Variants in KCNU1 observed in about 807,000 individuals in gnomAD.
KCNU1 encodes the protein potassium calcium-activated channel subfamily U member 1.
In KCNU1, 93 loss-of-function variants were observed where a neutral mutation model predicts 126.8. That is an observed-to-expected ratio of 0.73 (90% CI 0.62 to 0.87). The LOEUF (loss-of-function observed/expected upper bound fraction) is 0.87, where lower values mean the gene tolerates loss of function less well. Among genes scored for constraint, KCNU1 ranks in the 40% least tolerant of loss-of-function variants. The pLI, the probability that KCNU1 is intolerant of heterozygous loss-of-function variation, is 0.00. For synonymous variants in KCNU1, 523 were observed against 494.2 expected, an observed-to-expected ratio of 1.06 and a Z score of -0.77; for missense variants, 1,330 against 1,367.1, an observed-to-expected ratio of 0.97 and a Z score of 0.43.
At chr8:36,878,544 C>T (rs970410155) in intron 19 of KCNU1, among the ~76,000 whole-genome samples, 1 of 152,086 alleles carries the variant, frequency 6.6e-6, no homozygotes, top group African/African-American at 2.4e-5. Flanking sequence ...ATCCAACTGA[C>T]TCAGCTCAAG....
chr8:36,817,555 G>A (rs2130475746), intron 9 of KCNU1, 95 bp from the exon 10 acceptor site: 6 of 573,818 alleles, frequency 1.0e-5, no homozygotes, highest in Middle Eastern at 6.6e-4. Flanking sequence ...ATATTTATTG[G>A]AAACTAAGTT....
chr8:36,807,462 T>C lies in KCNU1; in HGVS notation c.656+12T>C, dbSNP rs1803545969. ...GCCATCAAGACCAGGTAAATAGCCCTGACCGAAGTACTGCTTACTTATTAG... is the reference window on the plus strand; with the variant it reads ...GCCATCAAGACCAGGTAAATAGCCCCGACCGAAGTACTGCTTACTTATTAG... On this transcript the variant is annotated intron_variant, in intron 6 of 26. Coordinates refer to ENST00000399881, the MANE Select transcript of KCNU1 (RefSeq NM_001031836.3). 6.3e-7 allele frequency: 1 copy of C among 1,586,836 alleles called. No individual in the cohort carries two copies. The highest frequency in any genetic ancestry group is 8.7e-7 in the Non-Finnish European group (1 of 1,155,310).
At position 36,807,434 on chromosome 8, in the gene KCNU1, C is replaced by A; in HGVS notation, c.640C>A (p.Arg214=). 1 of 1,612,582 alleles carries A rather than the reference C, an allele frequency of 6.2e-7. No homozygotes were observed. Among genetic ancestry groups the A allele is most frequent in the East Asian group, 2.2e-5 (1 of 44,852 alleles). ...LELPQILQIL[R]AIKTSNSVKF... is the part of the protein sequence containing the mutation. The stretch of plus-strand genomic sequence containing the variant: ...ACTCCCTCAAATCTTGCAAATTCTA[C>A]GAGCCATCAAGACCAGGTAAATAGC... Residue 214 remains arginine (R), a synonymous_variant, in exon 6 of 27, where the codon CGA becomes AGA. Coordinates refer to ENST00000399881, the MANE Select transcript of KCNU1 (RefSeq NM_001031836.3).
At chr8:36,882,236 A>G (rs531645342) in intron 19 of KCNU1, among the ~76,000 whole-genome samples, 4 of 152,250 alleles carry the variant, frequency 2.6e-5, no homozygotes, top group Non-Finnish European at 5.9e-5. Context: ...ATATTTACCA[A>G]TCACACCTGA....
chr8:36,839,219 T>C (rs1433040870), intron 14 of KCNU1, among the ~76,000 whole-genome samples: 4 of 152,202 alleles, frequency 2.6e-5, no homozygotes, highest in African/African-American at 9.6e-5. Context: ...GTTCAGAGCA[T>C]GGCCTTAAAC....
At chr8:36,905,939 A>AT in intron 20 of KCNU1, 135 bp downstream of exon 20, 3 of 547,572 alleles carry the variant, frequency 5.5e-6, no homozygotes, top group Middle Eastern at 2.8e-4. Flanking sequence ...AAAAACCCAC[A>AT]TCCCTCACCA....
chr8:36,915,293 G>T (rs1406914491), intron 22 of KCNU1, among the ~76,000 whole-genome samples: 1 of 152,192 alleles, frequency 6.6e-6, no homozygotes, highest in African/African-American at 2.4e-5. Flanking sequence ...ACTTAAGTAG[G>T]TACCCTGAAA....
chr8:36,840,504 C>T lies in KCNU1; in HGVS notation c.1560C>T (p.Ser520=). The change falls in exon 15 of 27, where the codon AGC becomes AGT. Residue 520 remains serine, a synonymous_variant. Transcript: ENST00000399881. Reference sequence around the variant, plus strand: ...CCTGGAAGAAACACTTCTTGAATAGCATGAAAAACAAAATTCTGACCCAAC... The same window carrying T: ...CCTGGAAGAAACACTTCTTGAATAGTATGAAAAACAAAATTCTGACCCAAC... ...KQTWKKHFLN[S]MKNKILTQRL... is the part of the protein sequence containing the mutation. 6.2e-7 allele frequency: 1 copy of T among 1,611,702 alleles called. No homozygotes were observed. The highest frequency in any genetic ancestry group is 1.3e-5 in the African/African-American group (1 of 75,014).
Position 36,935,583 on chromosome 8 carries a change from C to G in KCNU1, c.3113C>G (p.Pro1038Arg), listed in dbSNP as rs545521708. 6.2e-7 allele frequency: 1 copy of G among 1,612,822 alleles called. No homozygotes were observed. The highest frequency in any genetic ancestry group is 1.1e-5 in the South Asian group (1 of 90,982). ...TCAGATCTTGTGTTTTGTGCCATAC[C>G]CTTCAGCACTGCTTGTTATAAAAGG... ...LPSDLVFCAI[P>R]FSTACYKRNE... The change falls in exon 27 of 27, where the codon CCC becomes CGC. Residue 1038 changes from proline (P) to arginine (R), a missense_variant. Pro to Arg is a moderately radical substitution (Grantham distance 103, BLOSUM62 -2). Coordinates refer to ENST00000399881, the MANE Select transcript of KCNU1 (RefSeq NM_001031836.3).
At chr8:36,784,913 T>C (rs1802657944) in intron 1 of KCNU1, among the ~76,000 whole-genome samples, 1 of 152,234 alleles carries the variant, frequency 6.6e-6, no homozygotes, top group Non-Finnish European at 1.5e-5. Context: ...ATTATGTCCA[T>C]GCCTCTATCT....
At chr8:36,804,606 A>AT (rs968397094) in intron 3 of KCNU1, among the ~76,000 whole-genome samples, 1 of 152,152 alleles carries the variant, frequency 6.6e-6, no homozygotes. Context: ...TAGGGCAGCT[A>AT]TTTTGGACAA....
At chr8:36,916,122 G>A (rs1450161727) in intron 22 of KCNU1, among the ~76,000 whole-genome samples, 1 of 146,348 alleles carries the variant, frequency 6.8e-6, no homozygotes, top group Non-Finnish European at 1.5e-5. Flanking sequence ...AGGAAGGAAA[G>A]GTGGGAGGGA....
chr8:36,873,925 A>G (rs527399110), intron 19 of KCNU1, among the ~76,000 whole-genome samples: 2 of 152,326 alleles, frequency 1.3e-5, no homozygotes, highest in East Asian at 3.9e-4. Flanking sequence ...CAACAACAGG[A>G]GAAAAAAAAT....
intron 23 of KCNU1, among the ~76,000 whole-genome samples, chr8:36,919,691 G>A (rs977837656): frequency 2.6e-5 from 4 of 152,176 alleles, no homozygotes; most frequent in African/African-American, 4.8e-5. Flanking sequence ...TGCCACTAGC[G>A]CAGATTGAAC....
chr8:36,790,817 G>T (rs1202136506), intron 2 of KCNU1, among the ~76,000 whole-genome samples: 2 of 152,020 alleles, frequency 1.3e-5, no homozygotes, highest in African/African-American at 4.8e-5. Flanking sequence ...TCATGGAAAA[G>T]AAAGCATTAC....
intron 18 of KCNU1, among the ~76,000 whole-genome samples, chr8:36,862,560 AC>A (rs1209660227): frequency 6.6e-6 from 1 of 152,102 alleles, no homozygotes; most frequent in East Asian, 1.9e-4. Context: ...TGTTCTGTCC[AC>A]CCCACACACA....
Position 36,911,001 on chromosome 8 carries a change from C to T in KCNU1, c.2403C>T (p.Ser801=), listed in dbSNP as rs771700309. Residue 801 remains serine, a synonymous_variant, in exon 22 of 27, where the codon TCC becomes TCT. Coordinates refer to ENST00000399881, the MANE Select transcript of KCNU1 (RefSeq NM_001031836.3). ...AATGCTCCATGTGTGCTGTCTTGTC[C>T]CCCCCACCCCAGCCATCAAGCAACC... ...IEQCSMCAVL[S]PPPQPSSNQT... is the part of the protein sequence containing the mutation. The T allele has an allele frequency of 2.5e-6, 4 of 1,612,636 alleles. No homozygotes were observed. Among genetic ancestry groups the T allele is most frequent in the African/African-American group, 1.3e-5 (1 of 74,732 alleles).
At chr8:36,800,378 T>A (rs1346484200) in intron 2 of KCNU1, among the ~76,000 whole-genome samples, 3 of 152,188 alleles carry the variant, frequency 2.0e-5, no homozygotes, top group Non-Finnish European at 4.4e-5. Context: ...TGTTTTCTCA[T>A]AAAGATAAGC....
chr8:36,798,099 G>T (rs1403731947), intron 2 of KCNU1, among the ~76,000 whole-genome samples: 1 of 152,082 alleles, frequency 6.6e-6, no homozygotes, highest in Non-Finnish European at 1.5e-5. Context: ...CTTGGTTCTT[G>T]TTTCCATTTT....
Sources: gnomAD v4.1 joint callset for allele counts (sites outside exome capture counted in the v4.1 genomes callset) on GRCh38, gnomAD v4.1.1 for gene constraint, MANE v1.5 for transcripts, NCBI Gene and HGNC (gene_info 2026-07-23, HGNC 2026-07-21) for gene names.